WWTR1: variants seen among roughly 807,000 people sequenced by gnomAD.
WWTR1 encodes WW domain-containing transcription regulator protein 1.
Under a neutral mutation model 40.1 loss-of-function variants are expected in WWTR1, and 13 were observed. That is an observed-to-expected ratio of 0.32 (90% CI 0.21 to 0.52). The LOEUF is 0.52. Among genes scored for constraint, WWTR1 ranks in the 20% least tolerant of loss-of-function variants. WWTR1 has a pLI of 0.97. For missense variants in WWTR1, 436 were observed against 523.1 expected (o/e 0.83, Z 1.63); for synonymous variants, 230 against 210.1 (o/e 1.09, Z -0.82).
At chr3:149,540,162 T>A in intron 4 of WWTR1, 2 of 454,930 alleles carry the variant, frequency 4.4e-6, no homozygotes, top group Non-Finnish European at 8.8e-6. Context: ...TGTGAGCAAA[T>A]CTGGACAATC....
chr3:149,629,404 C>T (rs1348428557), intron 2 of WWTR1, among the ~76,000 whole-genome samples: 1 of 152,192 alleles, frequency 6.6e-6, no homozygotes, highest in Non-Finnish European at 1.5e-5. Context: ...AGAACTAGGT[C>T]AGTATTTCCT....
intron 3 of WWTR1, among the ~76,000 whole-genome samples, chr3:149,547,784 ATCTTTT>A: frequency 6.8e-6 from 1 of 147,970 alleles, no homozygotes; most frequent in Non-Finnish European, 1.5e-5. Flanking sequence ...ATTCCCATTT[ATCTTTT>A]TCTTTTTCAT....
At chr3:149,592,335 T>A (rs1738768499) in intron 2 of WWTR1, among the ~76,000 whole-genome samples, 1 of 152,214 alleles carries the variant, frequency 6.6e-6, no homozygotes, top group Middle Eastern at 3.2e-3. Flanking sequence ...ATACTATTTA[T>A]GGTATTTATT....
intron 2 of WWTR1, among the ~76,000 whole-genome samples, chr3:149,603,105 A>G (rs1739320381): frequency 6.6e-6 from 1 of 152,244 alleles, no homozygotes; most frequent in African/African-American, 2.4e-5. Flanking sequence ...TTAAGATCTG[A>G]TAAGAGGAGA....
chr3:149,623,057 A>T (rs1247903375), intron 2 of WWTR1, among the ~76,000 whole-genome samples: 1 of 152,188 alleles, frequency 6.6e-6, no homozygotes, highest in African/African-American at 2.4e-5. Flanking sequence ...GATGCATCTT[A>T]AAAATCTTTG....
At chr3:149,580,320 G>T (rs774572590) in intron 2 of WWTR1, among the ~76,000 whole-genome samples, 2 of 152,094 alleles carry the variant, frequency 1.3e-5, no homozygotes, top group Non-Finnish European at 2.9e-5. Flanking sequence ...CAAAGACAGG[G>T]GTGGTATGCA....
chr3:149,567,610 T>A (rs1737393941), intron 3 of WWTR1, among the ~76,000 whole-genome samples: 1 of 152,188 alleles, frequency 6.6e-6, no homozygotes, highest in Admixed American at 6.5e-5. Context: ...TTCCTCTGAT[T>A]ACACAGGAGC....
At chr3:149,658,365 A>G, upstream of WWTR1, 1 of 152,588 alleles carries the variant, frequency 6.6e-6, no homozygotes, top group Non-Finnish European at 1.5e-5. Context: ...GGGGTTGTGG[A>G]CCGAAACCAA....
In WWTR1 at chr3:149,629,652, ATT is replaced by A. The variant is rs574264366; in HGVS notation, c.431+27222_431+27223del. 3.3e-3 allele frequency among the ~76,000 whole-genome samples: 503 copies of A among 152,346 alleles called. 6 individuals carry two copies. Among genetic ancestry groups the A allele is most frequent in the Non-Finnish European group, 5.5e-3 (373 of 68,036 alleles). ...TGTCACAACAATCTTTGATAAAAAT[ATT>A]GTTTCAAAGACAACTGGCACTAAAT... On this transcript the variant is annotated intron_variant, in intron 2 of 6. Coordinates refer to ENST00000360632, the MANE Select transcript of WWTR1 (RefSeq NM_015472.6).
At chr3:149,534,726 G>A (rs959995429) in intron 4 of WWTR1, among the ~76,000 whole-genome samples, 1 of 152,206 alleles carries the variant, frequency 6.6e-6, no homozygotes, top group African/African-American at 2.4e-5. Flanking sequence ...CAAGCTTGGG[G>A]TGGAAAGACT....
At chr3:149,694,322 A>T (rs1192012562) in intron 1 of WWTR1, among the ~76,000 whole-genome samples, 2 of 152,196 alleles carry the variant, frequency 1.3e-5, no homozygotes, top group Non-Finnish European at 2.9e-5. Flanking sequence ...TGAACCCGGG[A>T]GGCAGAGGTT....
intron 3 of WWTR1, among the ~76,000 whole-genome samples, chr3:149,569,350 GCTTA>G (rs1737518408): frequency 6.6e-6 from 1 of 152,020 alleles, no homozygotes; most frequent in Admixed American, 6.6e-5. Context: ...ATATATTTTA[GCTTA>G]CTATGTGGCA....
intron 2 of WWTR1, among the ~76,000 whole-genome samples, chr3:149,591,186 C>T (rs1317147343): frequency 1.3e-5 from 2 of 152,058 alleles, no homozygotes; most frequent in Non-Finnish European, 2.9e-5. Context: ...TCCACTATGA[C>T]CTAAAAGGAA....
intron 2 of WWTR1, among the ~76,000 whole-genome samples, chr3:149,588,326 C>G (rs573280259): frequency 2.0e-5 from 3 of 152,302 alleles, no homozygotes; most frequent in African/African-American, 4.8e-5. Flanking sequence ...AGCCAGCAAA[C>G]CAGCTCTTGA....
intron 4 of WWTR1, among the ~76,000 whole-genome samples, chr3:149,528,601 G>C (rs1735436820): frequency 1.3e-5 from 2 of 152,026 alleles, no homozygotes; most frequent in African/African-American, 2.4e-5. Flanking sequence ...AGACCAGCCT[G>C]CAACATGGTG....
At chr3:149,682,463 G>A (rs1254254044) in intron 1 of WWTR1, among the ~76,000 whole-genome samples, 1 of 152,124 alleles carries the variant, frequency 6.6e-6, no homozygotes, top group Non-Finnish European at 1.5e-5. Flanking sequence ...TTAAGAGGCT[G>A]GTTTTTCTAC....
chr3:149,649,058 T>A (rs547078958), intron 2 of WWTR1: 1 of 152,680 alleles, frequency 6.5e-6, no homozygotes, highest in African/African-American at 2.4e-5. Context: ...AATGGCATGA[T>A]CTCGGCTCAC....
intron 3 of WWTR1, among the ~76,000 whole-genome samples, chr3:149,566,609 A>G (rs1737339400): frequency 6.6e-6 from 1 of 152,206 alleles, no homozygotes; most frequent in Admixed American, 6.5e-5. Context: ...GCCTAAGTAG[A>G]AATCTGACTT....
chr3:149,590,712 T>C (rs1012162520), intron 2 of WWTR1, among the ~76,000 whole-genome samples: 5 of 152,222 alleles, frequency 3.3e-5, no homozygotes, highest in African/African-American at 1.2e-4. Flanking sequence ...AGTTTCCATG[T>C]GGCAGAGCAG....
Sources: gnomAD v4.1 joint callset for allele counts (sites outside exome capture counted in the v4.1 genomes callset) on GRCh38, gnomAD v4.1.1 for gene constraint, MANE v1.5 for transcripts, NCBI Gene and HGNC (gene_info 2026-07-23, HGNC 2026-07-21) for gene names.